MORN3: variants seen among roughly 807,000 people sequenced by gnomAD.
MORN3 encodes MORN repeat-containing protein 3.
A neutral mutation model predicts 34.7 loss-of-function variants in MORN3; 38 were observed. The ratio of observed to expected loss-of-function variants is 1.10; its 90% CI spans 0.85 to 1.44. The LOEUF (loss-of-function observed/expected upper bound fraction) is 1.44. MORN3 is among the 40% of genes most tolerant of loss of function. The probability of loss-of-function intolerance (pLI) is 0.00; values close to 1 mark genes in which losing one functional copy is unlikely to be tolerated. For missense variants in MORN3, 311 were observed against 321.7 expected, an observed-to-expected ratio of 0.97 and a Z score of 0.25; for synonymous variants, 109 against 115.3, an observed-to-expected ratio of 0.95 and a Z score of 0.35.
At chr12:121,671,740 C>G (rs545127602), upstream of MORN3, among the ~76,000 whole-genome samples, 1 of 151,724 alleles carries the variant, frequency 6.6e-6, no homozygotes, top group South Asian at 2.1e-4. Context: ...ATTAGCCGGG[C>G]GTGGTTGACG....
intron 2 of MORN3, among the ~76,000 whole-genome samples, chr12:121,658,565 CAAAAAAAAAAAAA>C: frequency 1.5e-5 from 1 of 68,806 alleles, no homozygotes; most frequent in African/African-American, 5.7e-5. Flanking sequence ...GACTCCCTCT[CAAAAAAAAAAAAA>C]AAAAAAAAAG....
chr12:121,650,054 G>A lies in MORN3; in HGVS notation c.*1597C>T, dbSNP rs1362184805. ...ATCCTACCCACAGTTTAAAACCACC[G>A]CCTTATCTCATCCTCACAGTAACTA... On this transcript the variant is annotated 3_prime_UTR_variant, in exon 6 of 6. Transcript: ENST00000355329. 1.3e-5 allele frequency: 2 copies of A among 151,814 alleles called. No homozygotes were observed. The highest frequency in any genetic ancestry group is 6.6e-5 in the Admixed American group (1 of 15,188). 9.4% of individuals were successfully genotyped at this position (151,814 alleles called of 1,614,324 possible). A position where few individuals can be genotyped will look rare whatever the true frequency, so the allele number is the denominator to read the frequency against.
chr12:121,657,759 C>T (rs1171509381), intron 2 of MORN3, among the ~76,000 whole-genome samples: 3 of 152,016 alleles, frequency 2.0e-5, no homozygotes, highest in South Asian at 2.1e-4. Flanking sequence ...CCCAGCTACT[C>T]GGGAGACTGA....
chr12:121,667,730 CT>C (rs1206681304), intron 1 of MORN3, among the ~76,000 whole-genome samples: 6 of 138,880 alleles, frequency 4.3e-5, no homozygotes, highest in Admixed American at 1.4e-4. Flanking sequence ...TTTTTTTTTT[CT>C]TTTTTTTTTG....
In MORN3 at chr12:121,651,858, G is replaced by T. The variant is rs540125730; in HGVS notation, c.*7-214C>A. ...TTTCAACCCCGTGCCCAGCTCAGTT[G>T]TGTGGCCCAGGGTGCAAATAGAAGG... On this transcript the variant is annotated intron_variant, in intron 5 of 5. Coordinates refer to ENST00000355329, the MANE Select transcript of MORN3 (RefSeq NM_173855.5). 1.9e-3 allele frequency among the ~76,000 whole-genome samples: 283 copies of T among 152,280 alleles called. 1 individual carries two copies. The highest frequency in any genetic ancestry group is 7.0e-3 in the South Asian group (34 of 4,824).
At chr12:121,655,929 G>A (rs1893401805) in intron 2 of MORN3, among the ~76,000 whole-genome samples, 1 of 152,028 alleles carries the variant, frequency 6.6e-6, no homozygotes, top group African/African-American at 2.4e-5. Context: ...TACTCGGGAG[G>A]CTGAGGCAGG....
intron 2 of MORN3, among the ~76,000 whole-genome samples, chr12:121,658,099 T>A (rs539197594): frequency 4.6e-5 from 7 of 152,168 alleles, no homozygotes; most frequent in African/African-American, 1.7e-4. Flanking sequence ...GCTGCTGGAA[T>A]GTTCGGGGAG....
intron 2 of MORN3, among the ~76,000 whole-genome samples, chr12:121,658,506 C>T (rs1417875017): frequency 1.4e-5 from 2 of 139,702 alleles, no homozygotes; most frequent in Non-Finnish European, 3.0e-5. Context: ...GCGGAGCTCG[C>T]AGTGAGCCAA....
rs782296653 is a variant in MORN3 at position 121,653,182 on chromosome 12, C to T, written c.541G>A (p.Gly181Ser). 3.7e-6 allele frequency: 6 copies of T among 1,614,062 alleles called. No homozygotes were observed. Among genetic ancestry groups the T allele is most frequent in the East Asian group, 2.2e-5 (1 of 44,898 alleles). The part of the protein sequence containing the change: ...GAGRFFHLDH[G>S]QLFEGFWVDN... ...ACCCAGAAGCCTTCAAACAGCTGGC[C>T]GTGGTCCAGATGGAAGAAACGCCCC... Residue 181 changes from glycine (G) to serine (S), a missense_variant, in exon 4 of 6, where the codon GGC (glycine) becomes AGC (serine). Coordinates refer to ENST00000355329, the MANE Select transcript of MORN3 (RefSeq NM_173855.5).
At chr12:121,659,465 C>T in intron 1 of MORN3, 117 bp from the exon 2 acceptor site, 1 of 974,244 alleles carries the variant, frequency 1.0e-6, no homozygotes, top group Non-Finnish European at 1.6e-6. Context: ...GGGACAGGCT[C>T]TGCGCATCAT....
At chr12:121,671,968 T>G (rs1418724140), upstream of MORN3, among the ~76,000 whole-genome samples, 7 of 152,128 alleles carry the variant, frequency 4.6e-5, no homozygotes, top group Non-Finnish European at 7.4e-5. Flanking sequence ...TACTCAGAAT[T>G]GCAAGAGAAC....
chr12:121,655,374 GC>G (rs1348283101), intron 2 of MORN3, among the ~76,000 whole-genome samples: 4 of 150,670 alleles, frequency 2.7e-5, no homozygotes, highest in Non-Finnish European at 5.9e-5. Context: ...GATCATGCTC[GC>G]CCCCCTCCCA....
chr12:121,654,544 T>A, intron 2 of MORN3, 111 bp from the exon 3 acceptor site: 1 of 1,203,734 alleles, frequency 8.3e-7, no homozygotes, highest in East Asian at 2.7e-5. Flanking sequence ...TCCTTCTTCC[T>A]CAGCCCTACG....
At chr12:121,656,757 G>A (rs782455365) in intron 2 of MORN3, among the ~76,000 whole-genome samples, 1 of 152,142 alleles carries the variant, frequency 6.6e-6, no homozygotes. Context: ...CTGACCTCAA[G>A]TGATACACCC....
chr12:121,670,062 C>T (rs763539781), upstream of MORN3, among the ~76,000 whole-genome samples: 2 of 151,418 alleles, frequency 1.3e-5, no homozygotes, highest in East Asian at 1.9e-4. Context: ...TTAGTAGAGA[C>T]GGGGGTTTCA....
At chr12:121,657,005 C>A (rs1490771653) in intron 2 of MORN3, among the ~76,000 whole-genome samples, 11 of 152,196 alleles carry the variant, frequency 7.2e-5, no homozygotes, top group Admixed American at 6.6e-4. Context: ...AGCTGTGTGA[C>A]TCCAGGCAAG....
chr12:121,658,256 A>T (rs1215895004), intron 2 of MORN3, among the ~76,000 whole-genome samples: 3 of 152,148 alleles, frequency 2.0e-5, no homozygotes, highest in Non-Finnish European at 2.9e-5. Flanking sequence ...TGTTGCTGTG[A>T]GAGTTAACTG....
In MORN3 at chr12:121,649,912, G is replaced by A. The variant is rs1244413912; in HGVS notation, c.*1739C>T. 6 of 138,528 alleles carry A rather than the reference G, an allele frequency of 4.3e-5. No homozygotes were observed. The highest frequency in any genetic ancestry group is 2.3e-4 in the South Asian group (1 of 4,382). 8.6% of individuals were successfully genotyped at this position (138,528 alleles called of 1,614,324 possible). A position where few individuals can be genotyped will look rare whatever the true frequency, so the allele number is the denominator to read the frequency against. ...TGGTGATATTGCACTATGCTTAACC[G>A]CATCCCTGGTCTCTACTCACTCAAT... On this transcript the variant is annotated 3_prime_UTR_variant, in exon 6 of 6. Coordinates refer to ENST00000355329, the MANE Select transcript of MORN3 (RefSeq NM_173855.5).
chr12:121,671,725 C>CA (rs1893974242), upstream of MORN3, among the ~76,000 whole-genome samples: 1 of 151,148 alleles, frequency 6.6e-6, no homozygotes, highest in African/African-American at 2.4e-5. Flanking sequence ...ACTCAAACTA[C>CA]AAAAATTAGC....
Sources: gnomAD v4.1 joint callset for allele counts (sites outside exome capture counted in the v4.1 genomes callset) on GRCh38, gnomAD v4.1.1 for gene constraint, MANE v1.5 for transcripts, NCBI Gene and HGNC (gene_info 2026-07-23, HGNC 2026-07-21) for gene names.